CMYA5: variants seen among roughly 807,000 people sequenced by gnomAD.
CMYA5 encodes the protein cardiomyopathy-associated protein 5.
A neutral mutation model predicts 318.9 loss-of-function variants in CMYA5; 246 were observed. The observed-to-expected ratio is 0.77, with a 90% confidence interval of 0.70 to 0.86. CMYA5 has a LOEUF of 0.86. Ranked by LOEUF, CMYA5 falls within the 40% of genes least tolerant of loss-of-function variation. The pLI is 0.00. For missense variants in CMYA5, 4,589 were observed against 4,678.2 expected (o/e 0.98, Z 0.56); for synonymous variants, 1,641 against 1,729.5 (o/e 0.95, Z 1.27).
chr5:79,771,029 A>G (rs1025546604), intron 9 of CMYA5, among the ~76,000 whole-genome samples: 1 of 150,710 alleles, frequency 6.6e-6, no homozygotes, highest in Non-Finnish European at 1.5e-5. Flanking sequence ...ATTAGCAAAT[A>G]GCTTAGAGGT....
At chr5:79,741,850 C>A (rs1828213847) in intron 2 of CMYA5, among the ~76,000 whole-genome samples, 2 of 152,032 alleles carry the variant, frequency 1.3e-5, no homozygotes, top group Admixed American at 1.3e-4. Context: ...GCCTTAAAAT[C>A]ATTTTTAAAG....
At chr5:79,771,081 A>AC (rs1290012053) in intron 9 of CMYA5, among the ~76,000 whole-genome samples, 13 of 152,066 alleles carry the variant, frequency 8.5e-5, no homozygotes, top group African/African-American at 3.1e-4. Flanking sequence ...AAAAAAAAAA[A>AC]AAAAACCAGA....
At position 79,735,131 on chromosome 5, in the gene CMYA5, AT is replaced by A; in HGVS notation, c.6367del (p.Ser2123HisfsTer4). ...IDDADEGKKP[S>X]PEVKIPTQRK... ...ATGATGCTGATGAGGGAAAGAAACC[AT>A]CACCTGAAGTAAAAATACCCACACA... On this transcript the variant is annotated frameshift_variant, in exon 2 of 13. Coordinates refer to ENST00000446378, the MANE Select transcript of CMYA5 (RefSeq NM_153610.5). LOFTEE classifies it high-confidence loss of function. 6.2e-7 allele frequency: 1 copy of A among 1,613,790 alleles called. No individual in the cohort carries two copies. The highest frequency in any genetic ancestry group is 2.2e-5 in the East Asian group (1 of 44,878).
chr5:79,711,109 T>C (rs921171912), intron 1 of CMYA5, among the ~76,000 whole-genome samples: 4 of 152,182 alleles, frequency 2.6e-5, no homozygotes, highest in Non-Finnish European at 5.9e-5. Flanking sequence ...TCAGTAAGGA[T>C]TTTACTTAAT....
chr5:79,789,897 A>G (rs189722488), intron 10 of CMYA5, among the ~76,000 whole-genome samples: 4 of 152,366 alleles, frequency 2.6e-5, no homozygotes, highest in African/African-American at 7.2e-5. Flanking sequence ...TGTTGAATGA[A>G]TGACCAAAAG....
At chr5:79,750,239 T>C (rs781189949) in intron 5 of CMYA5, among the ~76,000 whole-genome samples, 1 of 152,226 alleles carries the variant, frequency 6.6e-6, no homozygotes, top group African/African-American at 2.4e-5. Flanking sequence ...GAAGAGATGA[T>C]GTAAACTTAA....
chr5:79,790,991 G>A lies in CMYA5; in HGVS notation c.11711G>A (p.Arg3904Lys). ...STRGTRFLLL[R>K]ETAHPALHIS... ...ATAGGAACCAGATTTCTCTTGTTGA[G>A]AGAAACAGCTCATCCTGCTCTACAC... Residue 3904 changes from arginine to lysine, a missense_variant, in exon 11 of 13, where the codon AGA becomes AAA. By Grantham distance (26) the Arg-to-Lys change is conservative. Coordinates refer to ENST00000446378, the MANE Select transcript of CMYA5 (RefSeq NM_153610.5). The A allele has an allele frequency of 6.2e-7, 1 of 1,613,740 alleles. No individual in the cohort carries two copies. Among genetic ancestry groups the A allele is most frequent in the African/African-American group, 1.3e-5 (1 of 75,056 alleles).
At chr5:79,791,112 G>A (rs1829170551) in intron 11 of CMYA5, 43 bp downstream of exon 11, 2 of 1,416,904 alleles carry the variant, frequency 1.4e-6, no homozygotes, top group Non-Finnish European at 9.9e-7. Flanking sequence ...TGGCCCAGCA[G>A]TAGGGTCTTA....
intron 12 of CMYA5, among the ~76,000 whole-genome samples, chr5:79,794,663 G>A (rs1006813938): frequency 2.0e-5 from 3 of 152,142 alleles, no homozygotes; most frequent in East Asian, 1.9e-4. Context: ...GCTTAGGAAC[G>A]GTAAAGTATC....
rs1829152621 is a variant in CMYA5, at chr5:79,790,273, C to A, written c.11690-697C>A. 3.5e-5 allele frequency among the ~76,000 whole-genome samples: 5 copies of A among 141,162 alleles called. No individual in the cohort carries two copies. The South Asian group carries it at 1.2e-3, about 33-fold the overall frequency. 92.6% of individuals were successfully genotyped at this position (141,162 alleles called of 152,430 possible). A position where few individuals can be genotyped will look rare whatever the true frequency, so the allele number is the denominator to read the frequency against. Reference sequence around the variant, plus strand: ...CTTTAGGTTATATCGGTGCATCCCCCATTTTTTTTTTTCTCGAATGGAGTC... The same window carrying A: ...CTTTAGGTTATATCGGTGCATCCCCAATTTTTTTTTTTCTCGAATGGAGTC... On this transcript the variant is annotated intron_variant, in intron 10 of 12. Coordinates refer to ENST00000446378, the MANE Select transcript of CMYA5 (RefSeq NM_153610.5).
At position 79,730,786 on chromosome 5, in the gene CMYA5, C is replaced by A. The variant is rs1827875879; in HGVS notation, c.2021C>A (p.Pro674Gln). The change falls in exon 2 of 13, where the codon CCA (proline) becomes CAA (glutamine). Residue 674 changes from proline (P) to glutamine (Q), a missense_variant. Physicochemically the swap from Pro to Gln is moderately conservative, Grantham distance 76. This residue lies in a region of CMYA5 where 2,132 missense variants were observed against 2,131.3 expected (regional missense o/e 1.00). Coordinates refer to ENST00000446378, the MANE Select transcript of CMYA5 (RefSeq NM_153610.5). ...NQSPLFSTVTPEYMVLSGDEA... is the reference protein window; with the variant it reads ...NQSPLFSTVTQEYMVLSGDEA... ...TCTCCACTGTTTTCAACAGTTACAC[C>A]AGAATACATGGTCCTATCAGGAGAC... The A allele has an allele frequency of 6.2e-7, 1 of 1,613,700 alleles. No homozygotes were observed. Among genetic ancestry groups the A allele is most frequent in the Admixed American group, 1.7e-5 (1 of 59,970 alleles).
In CMYA5 at chr5:79,719,251, T is replaced by A. The variant is rs116794487; in HGVS notation, c.150-9664T>A. Among the ~76,000 whole-genome samples the A allele has an allele frequency of 6.7e-3, 1,028 of 152,308 alleles. 17 individuals are homozygous for A. The highest frequency in any genetic ancestry group is 0.024 in the African/African-American group (996 of 41,556). On this transcript the variant is annotated intron_variant, in intron 1 of 12. Coordinates refer to ENST00000446378, the MANE Select transcript of CMYA5 (RefSeq NM_153610.5). ...TTGTACATATATGTTACCTCCCTCA[T>A]ATTTTTTCACTTATAAAATGAGAAA...
chr5:79,751,297 G>A (rs1405475982), intron 5 of CMYA5, among the ~76,000 whole-genome samples: 1 of 151,996 alleles, frequency 6.6e-6, no homozygotes, highest in African/African-American at 2.4e-5. Flanking sequence ...CAACTCCCAC[G>A]GTGCCCTCTG....
At chr5:79,720,477 C>T (rs1396758824) in intron 1 of CMYA5, among the ~76,000 whole-genome samples, 1 of 132,886 alleles carries the variant, frequency 7.5e-6, no homozygotes, top group African/African-American at 3.1e-5. Flanking sequence ...GCTCTTGTTG[C>T]CCAGGCTGGA....
At chr5:79,756,062 A>G (rs976379838) in intron 6 of CMYA5, among the ~76,000 whole-genome samples, 25 of 152,348 alleles carry the variant, frequency 1.6e-4, no homozygotes, top group African/African-American at 6.0e-4. Flanking sequence ...ATGATCGACA[A>G]TCCTTGAAAC....
intron 12 of CMYA5, among the ~76,000 whole-genome samples, chr5:79,798,738 G>A (rs187446529): frequency 2.0e-5 from 3 of 152,220 alleles, no homozygotes; most frequent in Non-Finnish European, 4.4e-5. Context: ...ATATGCACAA[G>A]GAATAGTTGT....
At chr5:79,705,703 C>A (rs1827257211) in intron 1 of CMYA5, among the ~76,000 whole-genome samples, 1 of 152,176 alleles carries the variant, frequency 6.6e-6, no homozygotes, top group Non-Finnish European at 1.5e-5. Context: ...AAGTCTTGAT[C>A]AATTTCAGTT....
intron 1 of CMYA5, among the ~76,000 whole-genome samples, chr5:79,718,954 A>G (rs1189886409): frequency 6.6e-6 from 1 of 152,186 alleles, no homozygotes; most frequent in Non-Finnish European, 1.5e-5. Context: ...GGTTTGTGTA[A>G]GTACACTCTA....
rs1355967276 is a variant in CMYA5, at chr5:79,755,328, C to T, written c.11110+2534C>T. Among the ~76,000 whole-genome samples the T allele has an allele frequency of 2.0e-5, 3 of 152,138 alleles. No homozygotes were observed. The East Asian group carries it at 5.8e-4, about 29-fold the overall frequency. Reference sequence around the variant, plus strand: ...CCCACACAGAGTCTCACTCTGTCGCCCAGGCTGAAGTGCAGTGGCACCATC... The same window carrying T: ...CCCACACAGAGTCTCACTCTGTCGCTCAGGCTGAAGTGCAGTGGCACCATC... On this transcript the variant is annotated intron_variant, in intron 6 of 12. Coordinates refer to ENST00000446378, the MANE Select transcript of CMYA5 (RefSeq NM_153610.5).
Sources: allele counts gnomAD v4.1 joint callset (sites outside exome capture counted in the v4.1 genomes callset), GRCh38; gene constraint gnomAD v4.1.1; regional missense constraint gnomAD v4.1.1; transcripts MANE v1.5; gene names NCBI Gene and HGNC (gene_info 2026-07-23, HGNC 2026-07-21).